GPAM: variants seen among roughly 807,000 people sequenced by gnomAD.
GPAM encodes the protein glycerol-3-phosphate acyltransferase, mitochondrial.
Under a neutral mutation model 105.0 loss-of-function variants are expected in GPAM, and 56 were observed. The ratio of observed to expected loss-of-function variants is 0.53; its 90% CI spans 0.43 to 0.67. The LOEUF (loss-of-function observed/expected upper bound fraction) is 0.67. Among genes scored for constraint, GPAM ranks in the 30% least tolerant of loss-of-function variants. The pLI, the probability that GPAM is intolerant of heterozygous loss-of-function variation, is 0.00. For missense variants in GPAM, 855 were observed against 989.8 expected, an observed-to-expected ratio of 0.86 and a Z score of 1.83; for synonymous variants, 368 against 354.4, an observed-to-expected ratio of 1.04 and a Z score of -0.43.
At chr10:112,220,570 T>C in the GPAM span, among the ~76,000 whole-genome samples, 14 of 152,322 alleles carry the variant, frequency 9.2e-5, no homozygotes, top group South Asian at 8.3e-4. Flanking sequence ...TCCTTGAGGC[T>C]AGGTAAAAGC....
intron 1 of GPAM, among the ~76,000 whole-genome samples, chr10:112,199,775 T>C (rs1397741234): frequency 6.6e-6 from 1 of 152,122 alleles, no homozygotes; most frequent in Non-Finnish European, 1.5e-5. Flanking sequence ...AGAGAGCTTG[T>C]GCAGGGGAAC....
chr10:112,219,194 C>A (rs1365425045), upstream of GPAM, among the ~76,000 whole-genome samples: 1 of 152,178 alleles, frequency 6.6e-6, no homozygotes, highest in Non-Finnish European at 1.5e-5. Context: ...CCAGTCCCAA[C>A]CAAAGCCCAC....
In GPAM at chr10:112,173,845, TC is replaced by T; in HGVS notation, c.414-1del. 6.2e-7 allele frequency: 1 copy of T among 1,609,658 alleles called. No individual in the cohort carries two copies. The highest frequency in any genetic ancestry group is 8.5e-7 in the Non-Finnish European group (1 of 1,175,978). ...CCACTTCTGCAATTGCCTCTTGTAC[TC>T]TGGTATGAAAATGGAAAAAGAGACA... On this transcript the variant is annotated splice_acceptor_variant, in intron 6 of 21. Coordinates refer to ENST00000348367, the MANE Select transcript of GPAM (RefSeq NM_001244949.2). LOFTEE classifies it high-confidence loss of function.
At position 112,169,085 on chromosome 10, in the gene GPAM, G is replaced by T. The variant is rs1237490650; in HGVS notation, c.795-133C>A. The stretch of plus-strand genomic sequence containing the variant: ...CGTTTGAGCAGCTGACAGTAAAAAT[G>T]CAGGCATTTTTTTCATTTTCCATAT... On this transcript the variant is annotated intron_variant, in intron 9 of 21. Coordinates refer to ENST00000348367, the MANE Select transcript of GPAM (RefSeq NM_001244949.2). 7.6e-6 allele frequency: 5 copies of T among 658,142 alleles called. No homozygotes were observed. The African/African-American group carries it at 9.1e-5, about 12-fold the overall frequency. The allele number at this position is 658,142 out of a possible 1,614,324, so 40.8% of individuals were successfully genotyped here. A position where few individuals can be genotyped will look rare whatever the true frequency, so the allele number is the denominator to read the frequency against.
chr10:112,182,818 A>G lies in GPAM; in HGVS notation c.-54T>C, dbSNP rs190213553. On this transcript the variant is annotated 5_prime_UTR_variant, in exon 2 of 22. It removes an upstream start codon present in the reference 5' UTR. Coordinates refer to ENST00000348367, the MANE Select transcript of GPAM (RefSeq NM_001244949.2). ...CCTGGGATGAAAGTTCTTCTGTTTCATAACATAAAACTTCAGGACTCAGCT... is the reference window on the plus strand; with the variant it reads ...CCTGGGATGAAAGTTCTTCTGTTTCGTAACATAAAACTTCAGGACTCAGCT... 2.0e-5 allele frequency: 3 copies of G among 152,378 alleles called. No individual in the cohort carries two copies. Among genetic ancestry groups the G allele is most frequent in the African/African-American group, 7.2e-5 (3 of 41,586 alleles). 9.4% of individuals were successfully genotyped at this position (152,378 alleles called of 1,614,324 possible).
intron 1 of GPAM, among the ~76,000 whole-genome samples, chr10:112,211,772 C>T (rs929704764): frequency 6.6e-6 from 1 of 152,174 alleles, no homozygotes; most frequent in Admixed American, 6.5e-5. Context: ...GTATTACACC[C>T]ATTTTACAAA....
chr10:112,196,483 G>A (rs1164838202), intron 1 of GPAM, among the ~76,000 whole-genome samples: 1 of 152,130 alleles, frequency 6.6e-6, no homozygotes, highest in Non-Finnish European at 1.5e-5. Context: ...CATACTCTGT[G>A]TAACTGTCTT....
chr10:112,220,536 G>C, the GPAM span, among the ~76,000 whole-genome samples: 1 of 152,010 alleles, frequency 6.6e-6, no homozygotes, highest in African/African-American at 2.4e-5. Context: ...TCAGAGAAGG[G>C]TGTGAGTGGC....
At chr10:112,176,492 C>T (rs1382005171) in intron 5 of GPAM, among the ~76,000 whole-genome samples, 7 of 152,118 alleles carry the variant, frequency 4.6e-5, no homozygotes, top group Admixed American at 4.6e-4. Context: ...TCTGAAAAGA[C>T]CCAGAATACC....
At chr10:112,186,487 C>T (rs945908818), upstream of GPAM, among the ~76,000 whole-genome samples, 5 of 151,846 alleles carry the variant, frequency 3.3e-5, no homozygotes, top group African/African-American at 1.2e-4. Context: ...TAAGAAACCA[C>T]AAATACGTAG....
the GPAM span, among the ~76,000 whole-genome samples, chr10:112,225,640 G>A: frequency 6.6e-6 from 1 of 152,042 alleles, no homozygotes; most frequent in Non-Finnish European, 1.5e-5. Flanking sequence ...CTTTCCATAA[G>A]TAAAGCCCTC....
chr10:112,201,730 C>A (rs1428228642), intron 1 of GPAM, among the ~76,000 whole-genome samples: 2 of 151,828 alleles, frequency 1.3e-5, no homozygotes, highest in African/African-American at 2.4e-5. Flanking sequence ...CTGAAAATAA[C>A]CTGTTGATTT....
At chr10:112,180,440 A>G in intron 4 of GPAM, 33 bp downstream of exon 4, 2 of 1,607,280 alleles carry the variant, frequency 1.2e-6, no homozygotes, top group Non-Finnish European at 1.7e-6. Context: ...TTTTATGCTG[A>G]GTATTAGGGT....
intron 6 of GPAM, among the ~76,000 whole-genome samples, chr10:112,175,001 C>A (rs770767867): frequency 5.3e-5 from 8 of 152,042 alleles, no homozygotes; most frequent in Non-Finnish European, 1.0e-4. Context: ...ACCAATGAGG[C>A]CAGTACTCTA....
chr10:112,200,227 G>GTATA lies in GPAM; in HGVS notation n.210+14937_210+14940dup, dbSNP rs66664923. Among the ~76,000 whole-genome samples the GTATA allele has an allele frequency of 3.9e-3, 334 of 84,972 alleles. 2 individuals carry two copies. The highest frequency in any genetic ancestry group is 5.7e-3 in the East Asian group (16 of 2,826). The allele number at this position is 84,972 out of a possible 152,430, so 55.7% of individuals were successfully genotyped here. On this transcript the variant is annotated intron_variant and non_coding_transcript_variant, in intron 1 of 3. Coordinates refer to the GPAM transcript ENST00000480130. ...ATATATATTTCAGTCCACACTATAT[G>GTATA]TATATATATATATATATAGAGAGAG...
At chr10:112,186,904 G>A (rs1184010411), upstream of GPAM, among the ~76,000 whole-genome samples, 1 of 152,162 alleles carries the variant, frequency 6.6e-6, no homozygotes, top group African/African-American at 2.4e-5. Flanking sequence ...ACAATATTTT[G>A]TGGGGTTTAT....
intron 3 of GPAM, among the ~76,000 whole-genome samples, chr10:112,180,979 G>A (rs958985430): frequency 6.6e-6 from 1 of 152,106 alleles, no homozygotes; most frequent in Non-Finnish European, 1.5e-5. Context: ...TAGTGAGCAA[G>A]TTTTTATAAT....
chr10:112,192,095 G>C (rs1217820409), intron 1 of GPAM, among the ~76,000 whole-genome samples: 1 of 152,172 alleles, frequency 6.6e-6, no homozygotes, highest in South Asian at 2.1e-4. Flanking sequence ...CAAGCAACAG[G>C]GTAAGGGGTA....
intron 1 of GPAM, among the ~76,000 whole-genome samples, chr10:112,183,365 G>A (rs866990837): frequency 1.4e-4 from 22 of 152,326 alleles, no homozygotes; most frequent in African/African-American, 5.3e-4. Flanking sequence ...ACCCCTTACT[G>A]CCTCAATGTT....
Sources: gnomAD v4.1 joint callset for allele counts (sites outside exome capture counted in the v4.1 genomes callset) on GRCh38, gnomAD v4.1.1 for gene constraint, MANE v1.5 for transcripts, NCBI Gene and HGNC (gene_info 2026-07-23, HGNC 2026-07-21) for gene names.